The following ANKS1A variants were observed in gnomAD, a reference collection of about 807,000 sequenced individuals.
ANKS1A encodes ankyrin repeat and sterile alpha motif domain containing 1A, also known as ankyrin repeat and SAM domain-containing protein 1A.
In ANKS1A, 55 loss-of-function variants were observed where a neutral mutation model predicts 120.3. The ratio of observed to expected loss-of-function variants is 0.46; its 90% CI spans 0.37 to 0.57. The LOEUF is 0.57. Among genes scored for constraint, ANKS1A ranks in the 20% least tolerant of loss-of-function variants. The probability of loss-of-function intolerance (pLI) is 0.00; values close to 1 mark genes in which losing one functional copy is unlikely to be tolerated. For synonymous variants in ANKS1A, 590 were observed against 604.7 expected (o/e 0.98, Z 0.36); for missense variants, 1,123 against 1,480.3 (o/e 0.76, Z 3.96).
intron 5 of ANKS1A, 72 bp from the exon 6 acceptor site, chr6:34,983,041 C>T: frequency 2.0e-6 from 3 of 1,470,456 alleles, no homozygotes; most frequent in Admixed American, 3.5e-5. Flanking sequence ...CTTAAATGTC[C>T]TAAAATTTGA....
Position 35,017,957 on chromosome 6 carries a change from A to G in ANKS1A, c.1908A>G (p.Thr636=). The change falls in exon 11 of 24, where the codon ACA becomes ACG. Residue 636 remains threonine, a synonymous_variant. Coordinates refer to ENST00000360359, the MANE Select transcript of ANKS1A (RefSeq NM_015245.3). ...SDSDLLTCSP[T]EDATMGSRSE... is the part of the protein sequence containing the mutation. Reference sequence around the variant, plus strand: ...CTGATCTCCTGACCTGCTCACCCACAGAGGACGCTACCATGGGGAGTCGGA... The same window carrying G: ...CTGATCTCCTGACCTGCTCACCCACGGAGGACGCTACCATGGGGAGTCGGA... The G allele has an allele frequency of 6.2e-7, 1 of 1,614,226 alleles. No individual in the cohort carries two copies. The highest frequency in any genetic ancestry group is 8.5e-7 in the Non-Finnish European group (1 of 1,180,036).
intron 13 of ANKS1A, 49 bp from the exon 14 acceptor site, chr6:35,078,509 C>T (rs1311893677): frequency 1.3e-6 from 2 of 1,574,872 alleles, no homozygotes; most frequent in South Asian, 1.1e-5. Flanking sequence ...CTCAGGGCCA[C>T]CAGCCATCCA....
chr6:35,065,717 A>C (rs537284760), intron 13 of ANKS1A, among the ~76,000 whole-genome samples: 125 of 152,326 alleles, frequency 8.2e-4, no homozygotes, highest in Middle Eastern at 3.4e-3. Context: ...GGGGCCCATC[A>C]GGCTGGGTGA....
In ANKS1A at chr6:34,889,991, C is replaced by G. The variant is rs891255656; in HGVS notation, c.197+392C>G. On this transcript the variant is annotated intron_variant, in intron 1 of 23. Coordinates refer to ENST00000360359, the MANE Select transcript of ANKS1A (RefSeq NM_015245.3). This position sits in a 1 kb window ranked among gnomAD's most constrained non-coding sequence, Gnocchi z 5.5. The stretch of plus-strand genomic sequence containing the variant: ...TCTCCCTCACCTCCTGCAGAAACTC[C>G]TACGCCTTGTAGAATCTCGAGGCTC... Among the ~76,000 whole-genome samples the G allele has an allele frequency of 2.6e-5, 4 of 152,134 alleles. No homozygotes were observed. The highest frequency in any genetic ancestry group is 2.6e-4 in the Admixed American group (4 of 15,276).
chr6:34,963,939 T>C (rs1026286947), intron 1 of ANKS1A, among the ~76,000 whole-genome samples: 1 of 152,232 alleles, frequency 6.6e-6, no homozygotes, highest in Non-Finnish European at 1.5e-5. Flanking sequence ...TTTTCAGATC[T>C]TTTGCCCAAT....
chr6:34,892,230 C>T (rs1766860005), intron 1 of ANKS1A, among the ~76,000 whole-genome samples: 1 of 152,168 alleles, frequency 6.6e-6, no homozygotes, highest in Admixed American at 6.5e-5. Flanking sequence ...GATCTGGAGG[C>T]ACTAGTTACA....
chr6:34,917,143 G>T (rs931371734), intron 1 of ANKS1A, among the ~76,000 whole-genome samples: 1 of 152,060 alleles, frequency 6.6e-6, no homozygotes, highest in African/African-American at 2.4e-5. Context: ...TCCTGTGTAG[G>T]CCTCCATGGG....
chr6:34,915,589 C>A (rs749143751), intron 1 of ANKS1A, among the ~76,000 whole-genome samples: 20 of 152,080 alleles, frequency 1.3e-4, no homozygotes, highest in African/African-American at 2.2e-4. Flanking sequence ...TTAAGCAGTC[C>A]TCCTGCATCA....
In ANKS1A at chr6:34,982,130, T is replaced by G; in HGVS notation, c.732+144T>G. 1 of 1,064,596 alleles carries G rather than the reference T, an allele frequency of 9.4e-7. No homozygotes were observed. The highest frequency in any genetic ancestry group is 1.3e-6 in the Non-Finnish European group (1 of 755,774). 65.9% of individuals were successfully genotyped at this position (1,064,596 alleles called of 1,614,324 possible). On this transcript the variant is annotated intron_variant, in intron 4 of 23. Coordinates refer to ENST00000360359, the MANE Select transcript of ANKS1A (RefSeq NM_015245.3). This position sits in a 1 kb window ranked among gnomAD's most constrained non-coding sequence, Gnocchi z 4.9. Reference sequence around the variant, plus strand: ...ATGCTTATTTGCCGACTCATTCTAATGTGACACTAAGAAACAAATGAACTC... The same window carrying G: ...ATGCTTATTTGCCGACTCATTCTAAGGTGACACTAAGAAACAAATGAACTC...
At chr6:34,934,771 C>A (rs950956872) in intron 1 of ANKS1A, among the ~76,000 whole-genome samples, 15 of 152,230 alleles carry the variant, frequency 9.9e-5, no homozygotes, top group African/African-American at 3.6e-4. Flanking sequence ...GGCCAAGAAC[C>A]TGTCGACATC....
chr6:34,940,300 A>G (rs529881978), intron 1 of ANKS1A, among the ~76,000 whole-genome samples: 1 of 152,342 alleles, frequency 6.6e-6, no homozygotes, highest in South Asian at 2.1e-4. Context: ...AGATGGAACC[A>G]GGAAACCTGG....
intron 7 of ANKS1A, 57 bp from the exon 8 acceptor site, chr6:34,985,025 G>C: frequency 5.2e-6 from 8 of 1,544,146 alleles, no homozygotes; most frequent in Non-Finnish European, 7.1e-6. Flanking sequence ...TGCAGTGGTT[G>C]GAACCTGAGA....
chr6:35,012,587 C>T (rs1283070945), intron 10 of ANKS1A, among the ~76,000 whole-genome samples: 1 of 152,210 alleles, frequency 6.6e-6, no homozygotes, highest in Non-Finnish European at 1.5e-5. Flanking sequence ...GAGCTGCATT[C>T]TTTAGCCTTA....
At chr6:35,049,907 A>G (rs1313851767) in intron 11 of ANKS1A, among the ~76,000 whole-genome samples, 1 of 152,134 alleles carries the variant, frequency 6.6e-6, no homozygotes, top group Non-Finnish European at 1.5e-5. Context: ...CCTGTGCCCA[A>G]CACACTTCCT....
Position 35,091,358 on chromosome 6 carries a change from C to A in ANKS1A, c.*2749C>A. 1 of 985,524 alleles carries A rather than the reference C, an allele frequency of 1.0e-6. No individual in the cohort carries two copies. The highest frequency in any genetic ancestry group is 1.2e-6 in the Non-Finnish European group (1 of 829,922). 61.0% of individuals were successfully genotyped at this position (985,524 alleles called of 1,614,324 possible). ...TGGTTTTGTTATTTTCATAACTGTA[C>A]ACAACTTAGAACAGACTGAATTAAT... On this transcript the variant is annotated 3_prime_UTR_variant, in exon 24 of 24. Transcript: ENST00000360359.
chr6:34,912,039 T>C (rs1202935704), intron 1 of ANKS1A, among the ~76,000 whole-genome samples: 2 of 152,182 alleles, frequency 1.3e-5, no homozygotes, highest in Non-Finnish European at 1.5e-5. Flanking sequence ...CAGCGTTAAA[T>C]TGTAAGTAAA....
At chr6:34,970,295 AG>A in intron 3 of ANKS1A, 129 bp downstream of exon 3, 1 of 1,122,274 alleles carries the variant, frequency 8.9e-7, no homozygotes, top group South Asian at 1.7e-5. Context: ...TTTGATAATC[AG>A]TTCCTTAGCA....
intron 1 of ANKS1A, among the ~76,000 whole-genome samples, chr6:34,951,712 ATAAT>A (rs1212694906): frequency 2.0e-5 from 3 of 152,206 alleles, no homozygotes; most frequent in Non-Finnish European, 2.9e-5. Context: ...ATCATCTTAA[ATAAT>A]AAGATTAAAT....
At chr6:34,960,389 T>C (rs1347178734) in intron 1 of ANKS1A, among the ~76,000 whole-genome samples, 1 of 152,028 alleles carries the variant, frequency 6.6e-6, no homozygotes, top group African/African-American at 2.4e-5. Flanking sequence ...TCAAGCTCCA[T>C]GAGGGCAGAC....
Sources: gnomAD v4.1 joint callset for allele counts (sites outside exome capture counted in the v4.1 genomes callset) on GRCh38, gnomAD v4.1.1 for gene constraint, Gnocchi (gnomAD v3.1) non-coding constraint, MANE v1.5 for transcripts, NCBI Gene and HGNC (gene_info 2026-07-23, HGNC 2026-07-21) for gene names.